Variants in PIAS2 observed in about 807,000 individuals in gnomAD.
PIAS2 encodes protein inhibitor of activated STAT 2.
PIAS2 carries 19 observed loss-of-function variants against 69.7 expected under a neutral mutation model. The observed-to-expected ratio is 0.27, with a 90% CI of 0.19 to 0.40. The LOEUF is 0.40. Among genes scored for constraint, PIAS2 ranks in the 10% least tolerant of loss-of-function variants. PIAS2 has a pLI of 1.00. For synonymous variants in PIAS2, 261 were observed against 263.2 expected, an observed-to-expected ratio of 0.99 and a Z score of 0.08; for missense variants, 624 against 757.0, an observed-to-expected ratio of 0.82 and a Z score of 2.06.
chr18:46,851,122 T>C (rs185124172), intron 5 of PIAS2, among the ~76,000 whole-genome samples: 18 of 152,278 alleles, frequency 1.2e-4, no homozygotes, highest in African/African-American at 2.9e-4. Flanking sequence ...TCAGTCCTGA[T>C]TTACTATGAG....
chr18:46,829,199 T>C (rs540506465), intron 10 of PIAS2, among the ~76,000 whole-genome samples: 5 of 152,334 alleles, frequency 3.3e-5, no homozygotes, highest in African/African-American at 1.2e-4. Flanking sequence ...TTTCCCTACT[T>C]AGTGTGGATG....
chr18:46,840,580 G>A (rs186933251), intron 8 of PIAS2, among the ~76,000 whole-genome samples: 56 of 152,196 alleles, frequency 3.7e-4, no homozygotes, highest in African/African-American at 1.3e-3. Flanking sequence ...ACAGAAACGA[G>A]AATATCCAGG....
intron 2 of PIAS2, among the ~76,000 whole-genome samples, chr18:46,881,561 C>A (rs968228936): frequency 1.3e-5 from 2 of 152,174 alleles, no homozygotes; most frequent in Admixed American, 1.3e-4. Context: ...CCTACAAACT[C>A]TGCCAATCCA....
At chr18:46,871,255 A>C (rs1000334184) in intron 2 of PIAS2, among the ~76,000 whole-genome samples, 5 of 152,294 alleles carry the variant, frequency 3.3e-5, no homozygotes, top group African/African-American at 1.2e-4. Context: ...AAAGGGAAAA[A>C]TTACGTTACC....
At chr18:46,906,774 G>A (rs1249670663) in intron 1 of PIAS2, among the ~76,000 whole-genome samples, 1 of 82,038 alleles carries the variant, frequency 1.2e-5, no homozygotes, top group Non-Finnish European at 2.6e-5. Flanking sequence ...GTGTGTGTGT[G>A]GGGGGGGGGG....
At chr18:46,835,127 T>A (rs537014741) in intron 9 of PIAS2, among the ~76,000 whole-genome samples, 1 of 152,330 alleles carries the variant, frequency 6.6e-6, no homozygotes, top group African/African-American at 2.4e-5. Flanking sequence ...GCATGACATA[T>A]GTAACTCTCA....
chr18:46,881,881 G>A (rs552079967), intron 2 of PIAS2, among the ~76,000 whole-genome samples: 2 of 152,150 alleles, frequency 1.3e-5, no homozygotes, highest in Non-Finnish European at 2.9e-5. Context: ...GGCAGATCAC[G>A]AGGTCAAGAG....
At chr18:46,816,412 T>C (rs2041540673) in intron 12 of PIAS2, 2 of 984,894 alleles carry the variant, frequency 2.0e-6, no homozygotes, top group Non-Finnish European at 1.2e-6. Context: ...ATAGCACCAA[T>C]CATTTGAAAG....
chr18:46,906,656 G>A (rs1012667232), intron 1 of PIAS2, among the ~76,000 whole-genome samples: 1 of 151,654 alleles, frequency 6.6e-6, no homozygotes, highest in Non-Finnish European at 1.5e-5. Flanking sequence ...TAAAAGAAAT[G>A]GAGATTACAA....
chr18:46,841,137 G>A (rs1330289855), intron 8 of PIAS2, among the ~76,000 whole-genome samples: 1 of 152,022 alleles, frequency 6.6e-6, no homozygotes, highest in Non-Finnish European at 1.5e-5. Flanking sequence ...ATTCAGATAT[G>A]GTGTTCAGAA....
At chr18:46,829,994 C>T in intron 9 of PIAS2, 127 bp from the exon 10 acceptor site, 1 of 739,620 alleles carries the variant, frequency 1.4e-6, no homozygotes, top group Non-Finnish European at 2.2e-6. Flanking sequence ...TTTGGTATTG[C>T]AATACTTTAT....
chr18:46,829,841 C>T lies in PIAS2; in HGVS notation c.1229G>A (p.Cys410Tyr). ...GAATTTGATCTCATCTACATCAGAA[C>T]AGTCATTGAGAATTTCCATAAAAAG... ...DGLFMEILND[C>Y]SDVDEIKFQE... The change falls in exon 10 of 14, where the codon TGT becomes TAT. Residue 410 changes from cysteine (C) to tyrosine (Y), a missense_variant. Physicochemically the swap from Cys to Tyr is radical, Grantham distance 194 (BLOSUM62 -2). Transcript: ENST00000585916. The T allele has an allele frequency of 1.2e-6, 2 of 1,612,664 alleles. No homozygotes were observed. The highest frequency in any genetic ancestry group is 1.1e-5 in the South Asian group (1 of 90,826).
At chr18:46,889,785 C>A (rs2053780754) in intron 2 of PIAS2, among the ~76,000 whole-genome samples, 1 of 152,158 alleles carries the variant, frequency 6.6e-6, no homozygotes, top group South Asian at 2.1e-4. Flanking sequence ...CCCGTGTCCA[C>A]AGAATTATTC....
chr18:46,904,366 T>C (rs1180604360), intron 1 of PIAS2, among the ~76,000 whole-genome samples: 1 of 152,128 alleles, frequency 6.6e-6, no homozygotes, highest in Admixed American at 6.6e-5. Flanking sequence ...TGGTATTATA[T>C]TTGAAAGAGA....
At chr18:46,855,521 G>A (rs1444801858) in intron 4 of PIAS2, 44 bp downstream of exon 4, 2 of 1,570,428 alleles carry the variant, frequency 1.3e-6, no homozygotes, top group Non-Finnish European at 1.8e-6. Context: ...CATGCACATA[G>A]TAAGCAAGTA....
At chr18:46,868,606 C>T (rs915956928) in intron 2 of PIAS2, among the ~76,000 whole-genome samples, 2 of 152,182 alleles carry the variant, frequency 1.3e-5, no homozygotes, top group Non-Finnish European at 2.9e-5. Context: ...CAGAGATTAA[C>T]CGTGTTAGGG....
chr18:46,869,042 T>G (rs72911106), intron 2 of PIAS2, among the ~76,000 whole-genome samples: 8,753 of 152,304 alleles, frequency 0.057, 302 homozygotes, highest in Non-Finnish European at 0.081. Context: ...TTGGGACAAC[T>G]TGGAGCTTGA....
chr18:46,807,367 ATATATATATATATATATTTTTTTTTTTT>A lies in PIAS2; in HGVS notation c.*5038_*5065del, dbSNP rs2040740716. ...AACATGTCAGATTTTATATATATATATATATATATATATATATTTTTTTTTTTTTTTTTTTTTTTTTTTAGAGAGTCTT... is the reference window on the plus strand; with the variant it reads ...AACATGTCAGATTTTATATATATATATTTTTTTTTTTTTTTAGAGAGTCTT... On this transcript the variant is annotated 3_prime_UTR_variant, in exon 14 of 14. Transcript: ENST00000585916. 2 of 23,674 alleles carry A rather than the reference ATATATATATATATATATTTTTTTTTTTT, an allele frequency of 8.4e-5. 1 individual carries two copies. Among genetic ancestry groups the A allele is most frequent in the Non-Finnish European group, 1.7e-4 (2 of 11,906 alleles). The allele number at this position is 23,674 out of a possible 1,614,324, so 1.5% of individuals were successfully genotyped here.
chr18:46,815,867 C>A (rs1237650979), intron 12 of PIAS2: 4 of 985,540 alleles, frequency 4.1e-6, no homozygotes, highest in Non-Finnish European at 4.8e-6. Context: ...ACAAAGCACA[C>A]ACTCGGGAAT....
Sources: allele counts gnomAD v4.1 joint callset (sites outside exome capture counted in the v4.1 genomes callset), GRCh38; gene constraint gnomAD v4.1.1; transcripts MANE v1.5; gene names NCBI Gene and HGNC (gene_info 2026-07-23, HGNC 2026-07-21).